GRIA1: variants seen among roughly 807,000 people sequenced by gnomAD.
The protein encoded by GRIA1 is glutamate ionotropic receptor AMPA type subunit 1, also known as glutamate receptor 1.
In GRIA1, 31 loss-of-function variants were observed where a neutral mutation model predicts 99.2. The ratio of observed to expected loss-of-function variants is 0.31; its 90% CI spans 0.23 to 0.42. The LOEUF (loss-of-function observed/expected upper bound fraction) is 0.42. Among genes scored for constraint, GRIA1 ranks in the 10% least tolerant of loss-of-function variants. GRIA1 has a pLI of 1.00. For missense variants in GRIA1, 782 were observed against 1,157.5 expected, an observed-to-expected ratio of 0.68 and a Z score of 4.71; for synonymous variants, 438 against 432.4, an observed-to-expected ratio of 1.01 and a Z score of -0.16.
intron 11 of GRIA1, among the ~76,000 whole-genome samples, chr5:153,724,409 C>A (rs1165198446): frequency 6.6e-6 from 1 of 152,260 alleles, no homozygotes; most frequent in East Asian, 1.9e-4. Flanking sequence ...ATGACTTTGA[C>A]GAGTTGAGAG....
intron 13 of GRIA1, among the ~76,000 whole-genome samples, chr5:153,784,709 C>T (rs904568363): frequency 5.9e-5 from 9 of 152,192 alleles, no homozygotes; most frequent in African/African-American, 1.9e-4. Context: ...CTCATCACCC[C>T]AACCTCCTGA....
intron 5 of GRIA1, among the ~76,000 whole-genome samples, chr5:153,659,104 T>C (rs1181092855): frequency 2.0e-5 from 3 of 152,192 alleles, no homozygotes; most frequent in Admixed American, 1.3e-4. Context: ...AGAACAATAA[T>C]TCCTACTCTA....
intron 2 of GRIA1, among the ~76,000 whole-genome samples, chr5:153,538,003 G>A (rs1758739298): frequency 1.3e-5 from 2 of 152,200 alleles, no homozygotes; most frequent in Admixed American, 6.5e-5. Context: ...AGGTGATACA[G>A]TGAAAGGCAA....
chr5:153,557,987 A>T (rs1210045677), intron 2 of GRIA1: 1 of 152,244 alleles, frequency 6.6e-6, no homozygotes, highest in Non-Finnish European at 1.5e-5. Context: ...CCAGTTACAT[A>T]ACTGCTTATT....
intron 5 of GRIA1, among the ~76,000 whole-genome samples, chr5:153,659,961 A>G (rs1755237776): frequency 6.6e-6 from 1 of 152,198 alleles, no homozygotes; most frequent in Non-Finnish European, 1.5e-5. Context: ...ATTATAGTTT[A>G]TGTGATATTT....
intron 11 of GRIA1, among the ~76,000 whole-genome samples, chr5:153,732,846 C>G (rs1488950162): frequency 6.6e-6 from 1 of 151,602 alleles, no homozygotes; most frequent in Non-Finnish European, 1.5e-5. Flanking sequence ...AGGAGTTTTA[C>G]AGTTTCTGGT....
chr5:153,587,415 A>C (rs1156306780), intron 2 of GRIA1, among the ~76,000 whole-genome samples: 2 of 152,150 alleles, frequency 1.3e-5, no homozygotes, highest in African/African-American at 4.8e-5. Context: ...AAACCTCTTA[A>C]ATAAATTATC....
intron 2 of GRIA1, among the ~76,000 whole-genome samples, chr5:153,498,287 G>A (rs1274444806): frequency 1.3e-5 from 2 of 152,146 alleles, no homozygotes; most frequent in Non-Finnish European, 2.9e-5. Context: ...GGCAAGCATT[G>A]AGTTTGCAAG....
At chr5:153,536,341 CA>C (rs1758571443) in intron 2 of GRIA1, among the ~76,000 whole-genome samples, 1 of 152,142 alleles carries the variant, frequency 6.6e-6, no homozygotes, top group Non-Finnish European at 1.5e-5. Context: ...AAGCTTTCCT[CA>C]ATCTCCCACC....
At chr5:153,541,020 A>G (rs1156408299) in intron 2 of GRIA1, among the ~76,000 whole-genome samples, 3 of 152,172 alleles carry the variant, frequency 2.0e-5, no homozygotes, top group African/African-American at 7.2e-5. Context: ...CACAATTCCC[A>G]TTTCCAGGCT....
intron 2 of GRIA1, among the ~76,000 whole-genome samples, chr5:153,634,274 C>T (rs537970360): frequency 2.7e-5 from 4 of 149,670 alleles, no homozygotes; most frequent in African/African-American, 4.9e-5. Flanking sequence ...GCCGAGATCG[C>T]GCCACTGCAA....
chr5:153,752,673 A>C (rs965910892), intron 11 of GRIA1, among the ~76,000 whole-genome samples: 1 of 152,232 alleles, frequency 6.6e-6, no homozygotes, highest in African/African-American at 2.4e-5. Flanking sequence ...AGTGACCAGC[A>C]GTGTCTGCCA....
At chr5:153,779,936 G>C (rs1241622309) in intron 13 of GRIA1, among the ~76,000 whole-genome samples, 2 of 152,182 alleles carry the variant, frequency 1.3e-5, no homozygotes, top group Admixed American at 1.3e-4. Flanking sequence ...AGAGGAGGAA[G>C]GTGGTGAAAG....
chr5:153,527,450 T>A (rs1757705900), intron 2 of GRIA1, among the ~76,000 whole-genome samples: 1 of 152,210 alleles, frequency 6.6e-6, no homozygotes. Context: ...GTGGGCTTAA[T>A]TTTAGGTGTA....
intron 12 of GRIA1, among the ~76,000 whole-genome samples, chr5:153,769,708 A>G (rs1419927482): frequency 2.0e-5 from 3 of 151,648 alleles, no homozygotes; most frequent in Non-Finnish European, 4.4e-5. Context: ...TTTTGCATCA[A>G]CCTAATACAT....
At chr5:153,681,669 G>A (rs1224292755) in intron 7 of GRIA1, among the ~76,000 whole-genome samples, 1 of 152,130 alleles carries the variant, frequency 6.6e-6, no homozygotes, top group Non-Finnish European at 1.5e-5. Context: ...TTTCCTGTCT[G>A]CTAAACAGAC....
chr5:153,668,676 A>G (rs577212880), intron 5 of GRIA1, among the ~76,000 whole-genome samples: 85 of 152,294 alleles, frequency 5.6e-4, no homozygotes, highest in African/African-American at 2.0e-3. Context: ...CCTTGCATAG[A>G]TGTGGAATAG....
At chr5:153,694,256 C>T (rs1317428618) in intron 8 of GRIA1, among the ~76,000 whole-genome samples, 1 of 151,944 alleles carries the variant, frequency 6.6e-6, no homozygotes, top group Non-Finnish European at 1.5e-5. Flanking sequence ...TACACAGATT[C>T]ATCTTGCTTT....
chr5:153,687,190 C>T (rs547412236), intron 8 of GRIA1, among the ~76,000 whole-genome samples: 1 of 152,246 alleles, frequency 6.6e-6, no homozygotes, highest in Admixed American at 6.5e-5. Flanking sequence ...ATTGCTAATT[C>T]CATTTGGTGG....
Sources: allele counts gnomAD v4.1 joint callset (sites outside exome capture counted in the v4.1 genomes callset), GRCh38; gene constraint gnomAD v4.1.1; transcripts MANE v1.5; gene names NCBI Gene and HGNC (gene_info 2026-07-23, HGNC 2026-07-21).